The following ABL2 variants were observed in gnomAD, a reference collection of about 807,000 sequenced individuals.
ABL2 encodes the protein ABL proto-oncogene 2, non-receptor tyrosine kinase.
In ABL2, 49 loss-of-function variants were observed where a neutral mutation model predicts 107.7. The observed-to-expected ratio is 0.45, with a 90% confidence interval of 0.36 to 0.58. ABL2 has a LOEUF of 0.58. ABL2 is among the 20% of genes least tolerant of loss of function. ABL2 has a pLI of 0.00. For synonymous variants in ABL2, 549 were observed against 548.6 expected, an observed-to-expected ratio of 1.00 and a Z score of -0.01; for missense variants, 1,245 against 1,457.0, an observed-to-expected ratio of 0.85 and a Z score of 2.37.
At chr1:179,198,480 G>A (rs1181141044) in intron 1 of ABL2, among the ~76,000 whole-genome samples, 1 of 151,866 alleles carries the variant, frequency 6.6e-6, no homozygotes, top group East Asian at 1.9e-4. Flanking sequence ...ATCACCTGAG[G>A]CCAAGAGTTC....
intron 1 of ABL2, among the ~76,000 whole-genome samples, chr1:179,213,536 G>T (rs975574598): frequency 6.6e-6 from 1 of 151,944 alleles, no homozygotes; most frequent in Non-Finnish European, 1.5e-5. Context: ...CCTGGGCTCA[G>T]GTGATCCTCC....
chr1:179,155,200 A>C (rs1447015004), intron 1 of ABL2, among the ~76,000 whole-genome samples: 1 of 152,232 alleles, frequency 6.6e-6, no homozygotes, highest in Non-Finnish European at 1.5e-5. Flanking sequence ...TCTTCTGGTG[A>C]AGACTTTGAA....
intron 1 of ABL2, among the ~76,000 whole-genome samples, chr1:179,224,845 G>A (rs1435754721): frequency 3.5e-5 from 5 of 140,952 alleles, no homozygotes; most frequent in East Asian, 2.1e-4. Flanking sequence ...TGAGACCTCC[G>A]TCTCTACAAA....
intron 3 of ABL2, 70 bp downstream of exon 3, chr1:179,131,241 G>C (rs1656291359): frequency 1.3e-6 from 2 of 1,526,982 alleles, no homozygotes; most frequent in Admixed American, 1.8e-5. Flanking sequence ...ACTGTGCCTG[G>C]CCAGGCCCCT....
intron 1 of ABL2, among the ~76,000 whole-genome samples, chr1:179,163,878 G>A (rs1402892004): frequency 6.6e-6 from 1 of 152,218 alleles, no homozygotes. Flanking sequence ...ACAAAGGAAT[G>A]AAGTATTGAT....
intron 1 of ABL2, among the ~76,000 whole-genome samples, chr1:179,210,292 G>A (rs1346704982): frequency 6.6e-6 from 1 of 151,724 alleles, no homozygotes; most frequent in Non-Finnish European, 1.5e-5. Flanking sequence ...GATCACCTGA[G>A]GTAAGGAATT....
chr1:179,195,662 A>G (rs1661268704), intron 1 of ABL2, among the ~76,000 whole-genome samples: 1 of 152,184 alleles, frequency 6.6e-6, no homozygotes, highest in South Asian at 2.1e-4. Context: ...GGATAAAGAA[A>G]ATGGGCTACA....
At chr1:179,200,159 G>A (rs1185033310) in intron 1 of ABL2, among the ~76,000 whole-genome samples, 2 of 150,002 alleles carry the variant, frequency 1.3e-5, no homozygotes, top group African/African-American at 4.9e-5. Flanking sequence ...AGATTCTCGT[G>A]CTTCAGCCTC....
At chr1:179,184,857 G>T (rs1437283811) in intron 1 of ABL2, among the ~76,000 whole-genome samples, 1 of 151,956 alleles carries the variant, frequency 6.6e-6, no homozygotes, top group Non-Finnish European at 1.5e-5. Flanking sequence ...TAAATACCTT[G>T]AGCAGAGTAT....
At chr1:179,159,075 C>G (rs1658883801) in intron 1 of ABL2, among the ~76,000 whole-genome samples, 1 of 152,184 alleles carries the variant, frequency 6.6e-6, no homozygotes, top group Non-Finnish European at 1.5e-5. Flanking sequence ...GCCAGATTCC[C>G]TGGGTCTGAA....
In ABL2 at chr1:179,112,379, G is replaced by A. The variant is rs758014808; in HGVS notation, c.1581C>T (p.Ala527=). ...GTGTTTCAGCAAAAGAGGGCCTATC[G>A]GCAGGGCTCCACTTCCAGCCTATGT... ...LMRACWKWSP[A]DRPSFAETHQ... is the part of the protein sequence containing the mutation. The change falls in exon 10 of 12, where the codon GCC becomes GCT. Residue 527 remains alanine, a synonymous_variant. Transcript: ENST00000502732. 45 of 1,613,548 alleles carry A rather than the reference G, an allele frequency of 2.8e-5. No homozygotes were observed. The Middle Eastern group carries it at 4.9e-4, about 18-fold the overall frequency.
At chr1:179,113,756 G>A (rs1163427624) in intron 9 of ABL2, among the ~76,000 whole-genome samples, 3 of 151,470 alleles carry the variant, frequency 2.0e-5, no homozygotes, top group African/African-American at 2.4e-5. Flanking sequence ...GTGAAACCCC[G>A]TCTCTACTAA....
chr1:179,216,726 T>TTTTTGGC (rs1662581977), intron 1 of ABL2, among the ~76,000 whole-genome samples: 1 of 152,112 alleles, frequency 6.6e-6, no homozygotes, highest in Admixed American at 6.5e-5. Flanking sequence ...TTCTTTTTTT[T>TTTTTGGC]TTTTGGCTGG....
At chr1:179,138,446 A>T (rs1261707126) in intron 1 of ABL2, among the ~76,000 whole-genome samples, 2 of 152,192 alleles carry the variant, frequency 1.3e-5, no homozygotes, top group Non-Finnish European at 2.9e-5. Context: ...ATCCCTAGTA[A>T]TTTGAGTGAA....
chr1:179,148,471 A>G (rs929059420), intron 1 of ABL2, among the ~76,000 whole-genome samples: 2 of 152,210 alleles, frequency 1.3e-5, no homozygotes, highest in Non-Finnish European at 1.5e-5. Flanking sequence ...CTTTGATGTC[A>G]CTACTGTCAT....
chr1:179,178,958 A>T (rs2102793194), intron 1 of ABL2, among the ~76,000 whole-genome samples: 1 of 152,320 alleles, frequency 6.6e-6, no homozygotes, highest in African/African-American at 2.4e-5. Context: ...AAATAATGTT[A>T]ATACCCACTG....
intron 1 of ABL2, among the ~76,000 whole-genome samples, chr1:179,192,413 C>T (rs893284261): frequency 1.3e-5 from 2 of 152,218 alleles, no homozygotes; most frequent in African/African-American, 4.8e-5. Context: ...ATAAAATTAT[C>T]ACTCAAGCTC....
rs775531153 is a variant in ABL2, at chr1:179,108,354, G to T, written c.2913C>A (p.Asp971Glu). ...LSEHQVTSSG[D>E]KDRPRRVKPK... ...GTTTTACCCGTCGGGGTCGGTCCTT[G>T]TCTCCAGAGGATGTGACCTGATGCT... is the stretch of plus-strand genomic sequence containing the variant. The change falls in exon 12 of 12, where the codon GAC becomes GAA. Residue 971 changes from aspartate to glutamate, a missense_variant. Coordinates refer to ENST00000502732, the MANE Select transcript of ABL2 (RefSeq NM_007314.4). The T allele has an allele frequency of 6.2e-7, 1 of 1,614,110 alleles. No individual in the cohort carries two copies. Among genetic ancestry groups the T allele is most frequent in the East Asian group, 2.2e-5 (1 of 44,898 alleles).
intron 1 of ABL2, among the ~76,000 whole-genome samples, chr1:179,165,664 T>G (rs889347940): frequency 8.6e-5 from 13 of 152,004 alleles, no homozygotes; most frequent in African/African-American, 3.1e-4. Context: ...AAATACATAC[T>G]TTTACTTTTC....
Sources: gnomAD v4.1 joint callset for allele counts (sites outside exome capture counted in the v4.1 genomes callset) on GRCh38, gnomAD v4.1.1 for gene constraint, MANE v1.5 for transcripts, NCBI Gene and HGNC (gene_info 2026-07-23, HGNC 2026-07-21) for gene names.